The following CNTN5 variants were observed in gnomAD, a reference collection of about 807,000 sequenced individuals.
CNTN5 encodes the protein contactin 5.
A neutral mutation model predicts 129.1 loss-of-function variants in CNTN5; 77 were observed. That is an observed-to-expected ratio of 0.60 (90% CI 0.50 to 0.72). The LOEUF (loss-of-function observed/expected upper bound fraction) is 0.72. Among genes scored for constraint, CNTN5 ranks in the 30% least tolerant of loss-of-function variants. CNTN5 has a pLI of 0.00. For synonymous variants in CNTN5, 509 were observed against 465.6 expected (o/e 1.09, Z -1.20); for missense variants, 1,478 against 1,328.8 (o/e 1.11, Z -1.75).
chr11:99,436,097 G>A (rs945526636), intron 2 of CNTN5, among the ~76,000 whole-genome samples: 3 of 152,108 alleles, frequency 2.0e-5, no homozygotes, highest in Non-Finnish European at 2.9e-5. Flanking sequence ...GATCTTAAAT[G>A]TTCTAAAGGA....
Position 100,034,132 on chromosome 11 carries a change from A to T in CNTN5, c.981-27080A>T, listed in dbSNP as rs532543128. Among the ~76,000 whole-genome samples the T allele has an allele frequency of 1.6e-4, 24 of 152,210 alleles. No individual in the cohort carries two copies. In the South Asian group the frequency reaches 5.0e-3, roughly 32 times the overall value. Reference sequence around the variant, plus strand: ...TGCATCTGTACATCACATTTCTCAAATCTCAGCAGAGCTCACTCTCAAGTT... The same window carrying T: ...TGCATCTGTACATCACATTTCTCAATTCTCAGCAGAGCTCACTCTCAAGTT... On this transcript the variant is annotated intron_variant, in intron 9 of 24. Transcript: ENST00000524871.
At chr11:99,319,260 A>T (rs970258418) in intron 1 of CNTN5, among the ~76,000 whole-genome samples, 26 of 152,208 alleles carry the variant, frequency 1.7e-4, no homozygotes, top group Admixed American at 7.9e-4. Flanking sequence ...CTCTCACAAT[A>T]ACCTAGAAAA....
rs149691902 is a variant in CNTN5, at chr11:99,218,460, A to G, written c.-209-106886A>G. 5.1e-4 allele frequency among the ~76,000 whole-genome samples: 77 copies of G among 152,260 alleles called. No individual in the cohort carries two copies. In the East Asian group the frequency reaches 7.3e-3, roughly 14 times the overall value. ...TCAGCCGAGGTTTTTCCACTGACCT[A>G]AAGTCCTGTATGTTGACTGGGTAAT... is the stretch of plus-strand genomic sequence containing the variant. On this transcript the variant is annotated intron_variant, in intron 1 of 24. Coordinates refer to ENST00000524871, the MANE Select transcript of CNTN5 (RefSeq NM_014361.4).
intron 3 of CNTN5, among the ~76,000 whole-genome samples, chr11:99,700,656 A>G (rs1954478227): frequency 6.6e-6 from 1 of 151,412 alleles, no homozygotes; most frequent in African/African-American, 2.4e-5. Flanking sequence ...AAATGCAGCA[A>G]TGGTGGCCGA....
At chr11:99,453,895 G>A (rs2656182) in intron 2 of CNTN5, among the ~76,000 whole-genome samples, 80,099 of 151,990 alleles carry the variant, frequency 0.53, 21,480 homozygotes, top group East Asian at 0.65. Context: ...AAGTAGTATG[G>A]GTTGCAGTAT....
chr11:100,020,390 C>A (rs1081364), intron 9 of CNTN5, among the ~76,000 whole-genome samples: 60,198 of 151,788 alleles, frequency 0.4, 12,315 homozygotes, highest in East Asian at 0.55. Context: ...AAAGACTGTC[C>A]TTTCCTCATG....
intron 18 of CNTN5, among the ~76,000 whole-genome samples, chr11:100,277,133 G>A (rs1030137685): frequency 1.3e-5 from 2 of 152,116 alleles, no homozygotes; most frequent in Non-Finnish European, 2.9e-5. Context: ...ATCCATCCAT[G>A]TTGTTGCAAA....
chr11:99,853,282 G>C (rs532012610), intron 6 of CNTN5, among the ~76,000 whole-genome samples: 1 of 152,198 alleles, frequency 6.6e-6, no homozygotes, highest in African/African-American at 2.4e-5. Flanking sequence ...GTAACGAATA[G>C]ATAGACGGAT....
chr11:99,778,400 C>T (rs1456377257), intron 3 of CNTN5, among the ~76,000 whole-genome samples: 4 of 151,776 alleles, frequency 2.6e-5, no homozygotes, highest in African/African-American at 9.7e-5. Flanking sequence ...CTTTAAAAAT[C>T]CTTATTTCTG....
chr11:100,271,915 A>G (rs1950414833), intron 18 of CNTN5, among the ~76,000 whole-genome samples: 1 of 152,230 alleles, frequency 6.6e-6, no homozygotes, highest in Non-Finnish European at 1.5e-5. Context: ...AATAAGGAAT[A>G]CAGAAATTTT....
intron 7 of CNTN5, among the ~76,000 whole-genome samples, chr11:99,916,763 A>C (rs547881976): frequency 6.6e-6 from 1 of 152,056 alleles, no homozygotes; most frequent in Non-Finnish European, 1.5e-5. Flanking sequence ...AATTATATCT[A>C]TTTTGTTTGA....
In CNTN5 at chr11:99,892,997, A is replaced by G. The variant is rs528744195; in HGVS notation, c.578-23057A>G. On this transcript the variant is annotated intron_variant, in intron 6 of 24. Coordinates refer to ENST00000524871, the MANE Select transcript of CNTN5 (RefSeq NM_014361.4). ...GCAATATAACTCCTAAATATATTGCATGAGCATTAAGTGCTCTATTTGGAG... is the reference window on the plus strand; with the variant it reads ...GCAATATAACTCCTAAATATATTGCGTGAGCATTAAGTGCTCTATTTGGAG... Among the ~76,000 whole-genome samples, 6 of 152,310 alleles carry G rather than the reference A, an allele frequency of 3.9e-5. No homozygotes were observed. In the East Asian group the frequency reaches 9.6e-4, roughly 24 times the overall value.
chr11:99,335,106 T>C (rs969209474), intron 2 of CNTN5, among the ~76,000 whole-genome samples: 2 of 152,166 alleles, frequency 1.3e-5, no homozygotes, highest in African/African-American at 2.4e-5. Context: ...ATAACAGCAA[T>C]AGCAAATATT....
At chr11:99,357,399 T>C (rs1205929920) in intron 2 of CNTN5, among the ~76,000 whole-genome samples, 1 of 152,114 alleles carries the variant, frequency 6.6e-6, no homozygotes, top group Admixed American at 6.6e-5. Context: ...ATAACAATAT[T>C]ATATACTTGA....
At chr11:99,246,836 G>C (rs923785757) in intron 1 of CNTN5, among the ~76,000 whole-genome samples, 1 of 151,966 alleles carries the variant, frequency 6.6e-6, no homozygotes, top group Non-Finnish European at 1.5e-5. Flanking sequence ...CTAATCATAG[G>C]CTAGTCTCTT....
intron 1 of CNTN5, among the ~76,000 whole-genome samples, chr11:99,098,952 T>G (rs1018655744): frequency 6.6e-6 from 1 of 152,122 alleles, no homozygotes; most frequent in Admixed American, 6.6e-5. Flanking sequence ...TGAACATCAT[T>G]ATTTTTGAAA....
intron 9 of CNTN5, among the ~76,000 whole-genome samples, chr11:100,049,248 T>C (rs1942838515): frequency 6.6e-6 from 1 of 152,060 alleles, no homozygotes; most frequent in Admixed American, 6.5e-5. Context: ...AGAGGGTTTG[T>C]AAAGTATGTA....
At chr11:100,318,423 A>C (rs552574369) in intron 21 of CNTN5, among the ~76,000 whole-genome samples, 2 of 152,088 alleles carry the variant, frequency 1.3e-5, no homozygotes, top group African/African-American at 4.8e-5. Context: ...CAGAGCATCC[A>C]CGCAAAAATA....
chr11:99,206,623 A>C (rs528325581), intron 1 of CNTN5, among the ~76,000 whole-genome samples: 39 of 152,136 alleles, frequency 2.6e-4, no homozygotes, highest in African/African-American at 8.9e-4. Context: ...CCCACTTACT[A>C]CTACCTTAGC....
Sources: gnomAD v4.1 joint callset for allele counts (sites outside exome capture counted in the v4.1 genomes callset) on GRCh38, gnomAD v4.1.1 for gene constraint, MANE v1.5 for transcripts, NCBI Gene and HGNC (gene_info 2026-07-23, HGNC 2026-07-21) for gene names.